The following ASMT variants were observed in gnomAD, a reference collection of about 807,000 sequenced individuals.
The protein encoded by ASMT is acetylserotonin N-methyltransferase.
In ASMT, 53 loss-of-function variants were observed where a neutral mutation model predicts 41.3. The observed-to-expected ratio is 1.28, with a 90% CI of 1.03 to 1.61. ASMT has a LOEUF of 1.61. Among genes scored for constraint, ASMT ranks in the 40% most tolerant of loss-of-function variants. ASMT has a pLI of 0.00. For synonymous variants in ASMT, 231 were observed against 184.8 expected (o/e 1.25, Z -2.03); for missense variants, 531 against 441.3 (o/e 1.20, Z -1.82).
At chrX:1,615,890 T>C (rs1231247155) in intron 1 of ASMT, among the ~76,000 whole-genome samples, 32 of 152,162 alleles carry the variant, frequency 2.1e-4, no homozygotes, top group Non-Finnish European at 4.1e-4. Context: ...TTTATTGAAC[T>C]GCAAGTGTTG....
chrX:1,619,658 C>G (rs1224731157), intron 1 of ASMT, among the ~76,000 whole-genome samples: 1 of 148,976 alleles, frequency 6.7e-6, no homozygotes, highest in African/African-American at 2.5e-5. Flanking sequence ...AGTTAATGCA[C>G]CTTTCATAGA....
chrX:1,636,956 AT>A lies in ASMT; in HGVS notation c.910+397del, dbSNP rs1569384268. Among the ~76,000 whole-genome samples, 116 of 84,632 alleles carry A rather than the reference AT, an allele frequency of 1.4e-3. 11 individuals are homozygous for A. Among genetic ancestry groups the A allele is most frequent in the Middle Eastern group, 0.012 (2 of 172 alleles). The allele number at this position is 84,632 out of a possible 152,430, so 55.5% of individuals were successfully genotyped here. ...GTGTCCCAGCTCTCCTGTGAGGTCC[AT>A]CCATCCTGATGGCACATGAGGATGT... On this transcript the variant is annotated intron_variant, in intron 8 of 8. Coordinates refer to ENST00000381241, the MANE Select transcript of ASMT (RefSeq NM_001171038.2).
chrX:1,617,961 A>C (rs1287159838), intron 1 of ASMT, among the ~76,000 whole-genome samples: 4 of 151,968 alleles, frequency 2.6e-5, no homozygotes, highest in Non-Finnish European at 4.4e-5. Context: ...ATTAGAGTGA[A>C]GTCTCTTCTC....
intron 1 of ASMT, among the ~76,000 whole-genome samples, chrX:1,616,872 C>G: frequency 6.6e-6 from 1 of 151,962 alleles, no homozygotes; most frequent in South Asian, 2.1e-4. Context: ...CCACGCCCGG[C>G]TAATTTTTTG....
chrX:1,625,240 G>C (rs1209040857), intron 3 of ASMT, among the ~76,000 whole-genome samples: 1 of 151,642 alleles, frequency 6.6e-6, no homozygotes, highest in Non-Finnish European at 1.5e-5. Flanking sequence ...AAGTAGCTGG[G>C]ACTACAGGAA....
rs1934046682 is a variant in ASMT at position 1,615,423 on chromosome X, A to G, written c.69+155A>G. On this transcript the variant is annotated intron_variant, in intron 1 of 8. Coordinates refer to ENST00000381241, the MANE Select transcript of ASMT (RefSeq NM_001171038.2). The stretch of plus-strand genomic sequence containing the variant: ...CGTACACCCACGATGTAGCCTCAGG[A>G]GTTCCTGAGGACATGTGCCCAGGGT... 1.1e-5 allele frequency: 3 copies of G among 263,206 alleles called. No individual in the cohort carries two copies. In the South Asian group the frequency reaches 4.2e-4, roughly 37 times the overall value. 16.3% of individuals were successfully genotyped at this position (263,206 alleles called of 1,614,324 possible).
chrX:1,633,278 G>C lies in ASMT; in HGVS notation c.775G>C (p.Asp259His). ...CTCATTCCAGGAGGAAGAACAGATT[G>C]ACTTCCAGGAAGGTGTGTTTGTGTC... ...HFSFQEEEQI[D>H]FQEGDFFKDP... Residue 259 changes from aspartate to histidine, a missense_variant, in exon 7 of 9, where the codon GAC becomes CAC. Coordinates refer to ENST00000381241, the MANE Select transcript of ASMT (RefSeq NM_001171038.2). The C allele has an allele frequency of 6.2e-7, 1 of 1,613,890 alleles. No individual in the cohort carries two copies. The highest frequency in any genetic ancestry group is 1.1e-5 in the South Asian group (1 of 91,072).
At chrX:1,637,057 A>G (rs1303076768) in intron 8 of ASMT, among the ~76,000 whole-genome samples, 7 of 100,432 alleles carry the variant, frequency 7.0e-5, no homozygotes, top group Admixed American at 5.9e-4. Flanking sequence ...ATGGCACATG[A>G]GGATGTGGGC....
At chrX:1,634,224 C>G (rs1302102533) in intron 7 of ASMT, among the ~76,000 whole-genome samples, 1 of 152,180 alleles carries the variant, frequency 6.6e-6, no homozygotes, top group Non-Finnish European at 1.5e-5. Context: ...TGCATATCAG[C>G]GAAGGAGAAA....
intron 3 of ASMT, among the ~76,000 whole-genome samples, chrX:1,625,946 C>G (rs1278333618): frequency 8.0e-5 from 9 of 112,744 alleles, no homozygotes; most frequent in Non-Finnish European, 1.5e-4. Flanking sequence ...CAGAGCGAGA[C>G]TCCATCTCAA....
At chrX:1,623,346 T>A (rs1934406885) in intron 2 of ASMT, 33 bp downstream of exon 2, 1 of 1,613,018 alleles carries the variant, frequency 6.2e-7, no homozygotes, top group Non-Finnish European at 8.5e-7. Context: ...GGAGGCATTT[T>A]ACATAGACAC....
chrX:1,617,844 A>G (rs1374840495), intron 1 of ASMT, among the ~76,000 whole-genome samples: 1 of 151,934 alleles, frequency 6.6e-6, no homozygotes, highest in Non-Finnish European at 1.5e-5. Flanking sequence ...CGAACTCCCA[A>G]CCTCAGGTGA....
chrX:1,630,065 G>C (rs1263389488), intron 5 of ASMT, 126 bp downstream of exon 5: 2 of 897,386 alleles, frequency 2.2e-6, no homozygotes, highest in African/African-American at 3.2e-5. Flanking sequence ...TGGTCTTAGA[G>C]GAATCATTCC....
Position 1,629,778 on chromosome X carries a change from C to T in ASMT, c.444-43C>T, listed in dbSNP as rs749325740. 2.2e-5 allele frequency: 35 copies of T among 1,590,720 alleles called. No individual in the cohort carries two copies. The South Asian group carries it at 3.9e-4, about 18-fold the overall frequency. ...TGTACACCCTTGCTCTGGGCACGTC[C>T]CCAGATCCTCACCATCTTGACAAGC... On this transcript the variant is annotated intron_variant, in intron 4 of 8. Transcript: ENST00000381241.
intron 5 of ASMT, among the ~76,000 whole-genome samples, chrX:1,632,140 C>T (rs1399423890): frequency 7.9e-5 from 12 of 152,116 alleles, no homozygotes; most frequent in East Asian, 1.9e-4. Context: ...TTTGTGTGCA[C>T]GACTTACCGG....
chrX:1,627,348 G>A (rs1335138160), intron 3 of ASMT, among the ~76,000 whole-genome samples: 177 of 149,754 alleles, frequency 1.2e-3, no homozygotes, highest in African/African-American at 4.1e-3. Flanking sequence ...AAGGCCAGGT[G>A]TGGTGGCTCA....
intron 1 of ASMT, 78 bp from the exon 2 acceptor site, chrX:1,623,061 C>A: frequency 6.9e-7 from 1 of 1,439,890 alleles, no homozygotes; most frequent in Non-Finnish European, 9.8e-7. Flanking sequence ...CCCTAGCCTG[C>A]CATGGTATGG....
intron 3 of ASMT, among the ~76,000 whole-genome samples, chrX:1,624,989 T>A (rs1934476285): frequency 6.6e-6 from 1 of 151,558 alleles, no homozygotes; most frequent in Non-Finnish European, 1.5e-5. Flanking sequence ...TGCTGGGAGG[T>A]GGGGGCTGCA....
At chrX:1,620,452 G>A (rs1301937184) in intron 1 of ASMT, among the ~76,000 whole-genome samples, 36 of 151,912 alleles carry the variant, frequency 2.4e-4, no homozygotes, top group African/African-American at 7.5e-4. Context: ...ACAGGTGTGA[G>A]CCACTGCACC....
Sources: gnomAD v4.1 joint callset for allele counts (sites outside exome capture counted in the v4.1 genomes callset) on GRCh38, gnomAD v4.1.1 for gene constraint, MANE v1.5 for transcripts, NCBI Gene and HGNC (gene_info 2026-07-23, HGNC 2026-07-21) for gene names.